Variants in ELMO1 observed in about 807,000 individuals in gnomAD.
The protein encoded by ELMO1 is engulfment and cell motility 1, also known as engulfment and cell motility protein 1.
In ELMO1, 26 loss-of-function variants were observed where a neutral mutation model predicts 98.9. The observed-to-expected ratio is 0.26, with a 90% confidence interval of 0.19 to 0.36. The LOEUF is 0.36. ELMO1 is among the 10% of genes least tolerant of loss of function. The probability of loss-of-function intolerance (pLI) is 1.00; values close to 1 mark genes in which losing one functional copy is unlikely to be tolerated. For synonymous variants in ELMO1, 346 were observed against 346.0 expected, an observed-to-expected ratio of 1.00 and a Z score of 0.00; for missense variants, 627 against 935.2, an observed-to-expected ratio of 0.67 and a Z score of 4.30.
At chr7:36,995,089 G>T (rs902290277) in intron 16 of ELMO1, among the ~76,000 whole-genome samples, 1 of 152,178 alleles carries the variant, frequency 6.6e-6, no homozygotes, top group Admixed American at 6.5e-5. Context: ...GATAATACAT[G>T]TTAGGTAGCA....
intron 4 of ELMO1, among the ~76,000 whole-genome samples, chr7:37,293,262 T>G (rs1269646935): frequency 7.3e-6 from 1 of 136,442 alleles, no homozygotes. Flanking sequence ...CAATGGCGGT[T>G]TTGTAGAATA....
intron 16 of ELMO1, among the ~76,000 whole-genome samples, chr7:36,914,057 GT>G (rs1331593829): frequency 6.6e-6 from 1 of 152,222 alleles, no homozygotes; most frequent in African/African-American, 2.4e-5. Context: ...AAACTGGCCA[GT>G]GGCAGCTAGG....
intron 18 of ELMO1, among the ~76,000 whole-genome samples, chr7:36,886,932 GAGA>G (rs1805057912): frequency 6.6e-6 from 1 of 152,202 alleles, no homozygotes; most frequent in South Asian, 2.1e-4. Context: ...TGTCCTAGAA[GAGA>G]AGCAGTGTGG....
chr7:36,879,374 G>A (rs1002897170), intron 18 of ELMO1, among the ~76,000 whole-genome samples: 1 of 152,192 alleles, frequency 6.6e-6, no homozygotes, highest in Non-Finnish European at 1.5e-5. Flanking sequence ...ACCACTGTGC[G>A]GTTGGTACCC....
At chr7:37,210,637 C>T (rs1327396108) in intron 13 of ELMO1, among the ~76,000 whole-genome samples, 1 of 150,992 alleles carries the variant, frequency 6.6e-6, no homozygotes, top group African/African-American at 2.4e-5. Flanking sequence ...TATTTTTTTC[C>T]AAGGAAAGAG....
At chr7:37,365,007 C>G (rs906197409) in intron 1 of ELMO1, among the ~76,000 whole-genome samples, 4 of 152,080 alleles carry the variant, frequency 2.6e-5, no homozygotes, top group Admixed American at 2.0e-4. Context: ...TAGCTTTTAT[C>G]AAACAGAAAG....
intron 1 of ELMO1, among the ~76,000 whole-genome samples, chr7:37,424,859 TTATA>T (rs944942349): frequency 6.6e-6 from 1 of 150,920 alleles, no homozygotes; most frequent in African/African-American, 2.4e-5. Flanking sequence ...CTAATAATTA[TTATA>T]TATTTTTAAT....
At chr7:37,042,591 G>A (rs1253734289) in intron 15 of ELMO1, among the ~76,000 whole-genome samples, 3 of 152,310 alleles carry the variant, frequency 2.0e-5, no homozygotes, top group Middle Eastern at 3.4e-3. Context: ...AAAAGATGCA[G>A]GCTCTATCAG....
rs112348668 is a variant in ELMO1, at chr7:36,927,586, G to A, written c.1438-32569C>T. On this transcript the variant is annotated intron_variant, in intron 16 of 21. Coordinates refer to ENST00000310758, the MANE Select transcript of ELMO1 (RefSeq NM_014800.11). ...GAAGTAAGCTATAATTTTCCCTTGT[G>A]AAGAGTCAGAGTAGCAGAATTGAAA... Among the ~76,000 whole-genome samples, 185 of 152,312 alleles carry A rather than the reference G, an allele frequency of 1.2e-3. 1 individual carries two copies. The highest frequency in any genetic ancestry group is 4.3e-3 in the African/African-American group (180 of 41,566).
At position 37,075,727 on chromosome 7, in the gene ELMO1, G is replaced by A. The variant is rs575436353; in HGVS notation, c.1300+20892C>T. Among the ~76,000 whole-genome samples, 5 of 152,214 alleles carry A rather than the reference G, an allele frequency of 3.3e-5. No homozygotes were observed. The South Asian group carries it at 1.0e-3, about 32-fold the overall frequency. ...AGGAGGGGGAGAAGCCTAGGGATAT[G>A]GGGACATCACAAAGAGCCAGAAGTG... is the stretch of plus-strand genomic sequence containing the variant. On this transcript the variant is annotated intron_variant, in intron 15 of 21. Coordinates refer to ENST00000310758, the MANE Select transcript of ELMO1 (RefSeq NM_014800.11).
intron 15 of ELMO1, among the ~76,000 whole-genome samples, chr7:37,073,346 T>C (rs1433070362): frequency 1.3e-5 from 2 of 152,184 alleles, no homozygotes; most frequent in African/African-American, 2.4e-5. Flanking sequence ...ACATTTTTTA[T>C]ATATACATGT....
chr7:36,942,592 C>G (rs1415614571), intron 16 of ELMO1, among the ~76,000 whole-genome samples: 3 of 152,172 alleles, frequency 2.0e-5, no homozygotes, highest in African/African-American at 7.2e-5. Context: ...AACAGATTAT[C>G]TTTAGTCACA....
chr7:36,954,589 A>G (rs1405707549), intron 16 of ELMO1, among the ~76,000 whole-genome samples: 1 of 152,176 alleles, frequency 6.6e-6, no homozygotes, highest in Non-Finnish European at 1.5e-5. Flanking sequence ...GTGCAGGAGA[A>G]CAAGGCCAAT....
intron 16 of ELMO1, among the ~76,000 whole-genome samples, chr7:36,942,776 A>AT (rs1238450256): frequency 1.3e-5 from 2 of 152,112 alleles, no homozygotes; most frequent in Non-Finnish European, 2.9e-5. Flanking sequence ...TAGCCAGGAA[A>AT]TTTTTTAGGC....
rs35248975 is a variant in ELMO1 at position 37,027,843 on chromosome 7, C to CA, written c.1301-14409dup. Among the ~76,000 whole-genome samples, 1,122 of 141,378 alleles carry CA rather than the reference C, an allele frequency of 7.9e-3. 5 individuals carry two copies. The highest frequency in any genetic ancestry group is 0.01 in the Non-Finnish European group (660 of 63,816). The allele number at this position is 141,378 out of a possible 152,430, so 92.7% of individuals were successfully genotyped here. A position where few individuals can be genotyped will look rare whatever the true frequency, so the allele number is the denominator to read the frequency against. ...ACACAGGCACTTAACTGAGATTTAC[C>CA]AAAAAAAAAAAGGAATGCTAAAGGA... On this transcript the variant is annotated intron_variant, in intron 15 of 21. Transcript: ENST00000310758.
chr7:37,170,466 C>G (rs1158165116), intron 13 of ELMO1, among the ~76,000 whole-genome samples: 1 of 152,204 alleles, frequency 6.6e-6, no homozygotes, highest in East Asian at 1.9e-4. Context: ...CTCTACATTT[C>G]CAGCCCAGCA....
intron 4 of ELMO1, among the ~76,000 whole-genome samples, chr7:37,277,333 G>A (rs1339145004): frequency 6.6e-6 from 1 of 152,228 alleles, no homozygotes; most frequent in Non-Finnish European, 1.5e-5. Context: ...TAGAGGAGAT[G>A]ACATTCAAGA....
chr7:37,267,054 C>T lies in ELMO1; in HGVS notation c.243+4778G>A, dbSNP rs1419424262. On this transcript the variant is annotated intron_variant, in intron 5 of 21. Coordinates refer to ENST00000310758, the MANE Select transcript of ELMO1 (RefSeq NM_014800.11). ...ATGTATATATACACACACACACACA[C>T]ACACACACACACACACACACACACA... 3.3e-4 allele frequency among the ~76,000 whole-genome samples: 45 copies of T among 136,870 alleles called. 1 individual carries two copies. The highest frequency in any genetic ancestry group is 1.8e-3 in the South Asian group (8 of 4,436). 89.8% of individuals were successfully genotyped at this position (136,870 alleles called of 152,430 possible). A position where few individuals can be genotyped will look rare whatever the true frequency, so the allele number is the denominator to read the frequency against.
intron 11 of ELMO1, among the ~76,000 whole-genome samples, chr7:37,213,760 G>C (rs1223031075): frequency 1.3e-5 from 2 of 152,132 alleles, no homozygotes; most frequent in East Asian, 3.9e-4. Flanking sequence ...CTTGAAATGG[G>C]GGTGTCTCCA....
Sources: gnomAD v4.1 joint callset for allele counts (sites outside exome capture counted in the v4.1 genomes callset) on GRCh38, gnomAD v4.1.1 for gene constraint, MANE v1.5 for transcripts, NCBI Gene and HGNC (gene_info 2026-07-23, HGNC 2026-07-21) for gene names.